The following KAT6A variants were observed in gnomAD, a reference collection of about 807,000 sequenced individuals.
KAT6A encodes histone acetyltransferase KAT6A.
Under a neutral mutation model 198.4 loss-of-function variants are expected in KAT6A, and 9 were observed. That is an observed-to-expected ratio of 0.05 (90% CI 0.03 to 0.08). KAT6A has a LOEUF of 0.08. Ranked by LOEUF, KAT6A falls within the 10% of genes least tolerant of loss-of-function variation. The pLI is 1.00. For missense variants in KAT6A, 2,077 were observed against 2,509.9 expected (o/e 0.83, Z 3.69); for synonymous variants, 890 against 883.0 (o/e 1.01, Z -0.14).
chr8:41,954,065 A>G (rs1822800922), intron 9 of KAT6A, among the ~76,000 whole-genome samples: 1 of 152,074 alleles, frequency 6.6e-6, no homozygotes, highest in Non-Finnish European at 1.5e-5. Context: ...GCTGTGTTTC[A>G]TGAGCTTGTG....
chr8:41,955,007 G>A (rs1822855094), intron 9 of KAT6A, among the ~76,000 whole-genome samples: 1 of 150,242 alleles, frequency 6.7e-6, no homozygotes, highest in Non-Finnish European at 1.5e-5. Context: ...TGATAGGAGT[G>A]AAGACAAATT....
At chr8:41,978,616 C>G in intron 6 of KAT6A, 26 bp downstream of exon 6, 1 of 1,611,696 alleles carries the variant, frequency 6.2e-7, no homozygotes, top group Non-Finnish European at 8.5e-7. Context: ...CTTTTCTCCC[C>G]TCACCTTGCC....
intron 2 of KAT6A, among the ~76,000 whole-genome samples, chr8:42,047,755 C>CA: frequency 6.6e-6 from 1 of 152,240 alleles, no homozygotes; most frequent in South Asian, 2.1e-4. Context: ...CTGTCCCATG[C>CA]AACTACAGCT....
At chr8:42,004,865 T>C (rs573636153) in intron 2 of KAT6A, among the ~76,000 whole-genome samples, 2 of 151,960 alleles carry the variant, frequency 1.3e-5, no homozygotes, top group East Asian at 3.9e-4. Flanking sequence ...GAGGCAGAGG[T>C]TGCAATGAGC....
intron 5 of KAT6A, among the ~76,000 whole-genome samples, chr8:41,979,161 G>A (rs1033751187): frequency 2.6e-5 from 4 of 151,962 alleles, no homozygotes; most frequent in Non-Finnish European, 2.9e-5. Flanking sequence ...CCAGCTACTC[G>A]GGAGGCTAAG....
chr8:41,941,284 C>A lies in KAT6A; in HGVS notation c.2597G>T (p.Gly866Val), dbSNP rs750533733. 10 of 1,614,074 alleles carry A rather than the reference C, an allele frequency of 6.2e-6. No homozygotes were observed. The South Asian group carries it at 9.9e-5, about 16-fold the overall frequency. ...TTTTCTGTTCTTCCTCCCCCAGCGG[C>A]CCCTCCGAGATGGCTGGCTATTTGC... ...LPANSQPSRRGRWGRKNRKTQ... is the reference protein window; with the variant it reads ...LPANSQPSRRVRWGRKNRKTQ... The change falls in exon 15 of 17, where the codon GGC (glycine) becomes GTC (valine). Residue 866 changes from glycine to valine, a missense_variant. Transcript: ENST00000265713.
chr8:42,020,148 C>T (rs1426666087), intron 2 of KAT6A, among the ~76,000 whole-genome samples: 1 of 152,040 alleles, frequency 6.6e-6, no homozygotes, highest in Non-Finnish European at 1.5e-5. Flanking sequence ...GCCTGCAAGC[C>T]AAATCCAGTC....
intron 2 of KAT6A, among the ~76,000 whole-genome samples, chr8:42,014,655 A>C (rs1826183237): frequency 6.6e-6 from 1 of 152,232 alleles, no homozygotes; most frequent in Non-Finnish European, 1.5e-5. Flanking sequence ...AAGAGAAGCA[A>C]GGAAAATAAG....
chr8:42,015,748 T>A (rs1826241586), intron 2 of KAT6A, among the ~76,000 whole-genome samples: 1 of 152,220 alleles, frequency 6.6e-6, no homozygotes, highest in African/African-American at 2.4e-5. Flanking sequence ...GTAGTAACCA[T>A]CTTTTTGTCC....
intron 14 of KAT6A, 97 bp downstream of exon 14, chr8:41,942,696 T>C: frequency 7.5e-7 from 1 of 1,341,714 alleles, no homozygotes. Flanking sequence ...TGAATTTACT[T>C]TTCTGTGAAA....
chr8:42,022,363 GC>G (rs1826586713), intron 2 of KAT6A, among the ~76,000 whole-genome samples: 1 of 129,912 alleles, frequency 7.7e-6, no homozygotes, highest in Admixed American at 7.8e-5. Context: ...TATTTCTAAA[GC>G]AACATAGTAA....
intron 2 of KAT6A, among the ~76,000 whole-genome samples, chr8:42,028,779 T>C (rs1826969023): frequency 6.6e-6 from 1 of 152,232 alleles, no homozygotes; most frequent in African/African-American, 2.4e-5. Context: ...GGTTGTTTTG[T>C]GTATCCTTGT....
chr8:41,946,737 A>G, intron 11 of KAT6A, 53 bp from the exon 12 acceptor site: 4 of 1,044,276 alleles, frequency 3.8e-6, no homozygotes, highest in Middle Eastern at 2.0e-4. Context: ...AAAGTGAATA[A>G]TAACGTGAAT....
At chr8:42,047,281 A>C (rs996840872) in intron 2 of KAT6A, among the ~76,000 whole-genome samples, 4 of 152,234 alleles carry the variant, frequency 2.6e-5, no homozygotes, top group African/African-American at 4.8e-5. Flanking sequence ...AAATTCTCCT[A>C]ATCTCCAAAT....
intron 16 of KAT6A, among the ~76,000 whole-genome samples, chr8:41,935,280 T>C (rs1564006533): frequency 6.6e-6 from 1 of 152,216 alleles, no homozygotes; most frequent in Non-Finnish European, 1.5e-5. Flanking sequence ...AATTAGCTTA[T>C]TTCCTCTTTT....
intron 3 of KAT6A, among the ~76,000 whole-genome samples, chr8:41,982,408 T>A (rs191611562): frequency 6.6e-6 from 1 of 152,304 alleles, no homozygotes; most frequent in African/African-American, 2.4e-5. Context: ...TTTATACCCT[T>A]TTGTGCTGTC....
chr8:41,930,257 C>T lies in KAT6A; in HGVS notation c.*1948G>A, dbSNP rs990137994. 1.3e-5 allele frequency: 3 copies of T among 226,080 alleles called. No homozygotes were observed. The highest frequency in any genetic ancestry group is 1.3e-3 in the Middle Eastern group (1 of 766). 14.0% of individuals were successfully genotyped at this position (226,080 alleles called of 1,614,324 possible). A position where few individuals can be genotyped will look rare whatever the true frequency, so the allele number is the denominator to read the frequency against. ...AATATACCTCCCTCCCGACCCACCC[C>T]GTCCCCACCCCAACCAGGAAGCAAT... On this transcript the variant is annotated 3_prime_UTR_variant, in exon 17 of 17. Transcript: ENST00000265713.
At chr8:41,991,577 A>C (rs552170520) in intron 2 of KAT6A, among the ~76,000 whole-genome samples, 2 of 152,336 alleles carry the variant, frequency 1.3e-5, no homozygotes, top group East Asian at 3.9e-4. Context: ...GTGTACACTT[A>C]TAATCTGTGC....
At chr8:41,941,580 T>A in intron 14 of KAT6A, 136 bp from the exon 15 acceptor site, 1 of 866,988 alleles carries the variant, frequency 1.2e-6, no homozygotes, top group East Asian at 2.6e-5. Flanking sequence ...TTATTTAACA[T>A]GGATATTTCC....
Sources: allele counts gnomAD v4.1 joint callset (sites outside exome capture counted in the v4.1 genomes callset), GRCh38; gene constraint gnomAD v4.1.1; transcripts MANE v1.5; gene names NCBI Gene and HGNC (gene_info 2026-07-23, HGNC 2026-07-21).